The following SPAG16 variants were observed in gnomAD, a reference collection of about 807,000 sequenced individuals.
SPAG16 encodes the protein sperm-associated antigen 16 protein.
A neutral mutation model predicts 80.4 loss-of-function variants in SPAG16; 86 were observed. That is an observed-to-expected ratio of 1.07 (90% CI 0.90 to 1.28). The LOEUF (loss-of-function observed/expected upper bound fraction) is 1.28, where lower values mean the gene tolerates loss of function less well. Among genes scored for constraint, SPAG16 ranks in the 50% most tolerant of loss-of-function variants. The pLI is 0.00. For synonymous variants in SPAG16, 294 were observed against 265.9 expected (o/e 1.11, Z -1.03); for missense variants, 870 against 765.3 (o/e 1.14, Z -1.61).
chr2:214,076,761 T>G (rs182099073), intron 13 of SPAG16, among the ~76,000 whole-genome samples: 104 of 152,264 alleles, frequency 6.8e-4, no homozygotes, highest in African/African-American at 2.4e-3. Flanking sequence ...GTTCATAGTT[T>G]GCTTTTGGTT....
At position 214,347,408 on chromosome 2, in the gene SPAG16, C is replaced by A. The variant is rs193076311; in HGVS notation, c.1721-62732C>A. 1.3e-5 allele frequency among the ~76,000 whole-genome samples: 2 copies of A among 151,746 alleles called. 1 individual carries two copies. The highest frequency in any genetic ancestry group is 1.3e-4 in the Admixed American group (2 of 15,232). On this transcript the variant is annotated intron_variant, in intron 15 of 15. Coordinates refer to ENST00000331683, the MANE Select transcript of SPAG16 (RefSeq NM_024532.5). ...AGGCTCAAGGTAGTCTTATATCCCACAAAATATCCATAAAATAAAATATAG... is the reference window on the plus strand; with the variant it reads ...AGGCTCAAGGTAGTCTTATATCCCAAAAAATATCCATAAAATAAAATATAG...
At chr2:214,168,865 T>C (rs1009933767) in intron 15 of SPAG16, among the ~76,000 whole-genome samples, 1 of 148,872 alleles carries the variant, frequency 6.7e-6, no homozygotes, top group Non-Finnish European at 1.5e-5. Flanking sequence ...TGTGGTACTA[T>C]TTTACTTAAT....
chr2:213,437,448 G>T (rs1321717573), intron 9 of SPAG16, among the ~76,000 whole-genome samples: 1 of 152,074 alleles, frequency 6.6e-6, no homozygotes, highest in Non-Finnish European at 1.5e-5. Context: ...CCTTTATGTT[G>T]TTACTACTAA....
intron 12 of SPAG16, among the ~76,000 whole-genome samples, chr2:213,951,019 G>GTTTT (rs200070959): frequency 6.8e-6 from 1 of 145,994 alleles, no homozygotes; most frequent in Non-Finnish European, 1.5e-5. Flanking sequence ...GCCTGACATA[G>GTTTT]TTTTTTTTTT....
intron 14 of SPAG16, among the ~76,000 whole-genome samples, chr2:214,141,424 G>C (rs1240120315): frequency 6.6e-6 from 1 of 150,678 alleles, no homozygotes; most frequent in Non-Finnish European, 1.5e-5. Flanking sequence ...CCCAGATCAG[G>C]CCACTGCACT....
chr2:213,393,668 G>C (rs1467035241), intron 9 of SPAG16, among the ~76,000 whole-genome samples: 1 of 151,798 alleles, frequency 6.6e-6, no homozygotes, highest in Admixed American at 6.6e-5. Flanking sequence ...TGGGGATGAG[G>C]GTTTTATGAA....
At chr2:213,743,411 T>G (rs1366647376) in intron 10 of SPAG16, among the ~76,000 whole-genome samples, 1 of 152,210 alleles carries the variant, frequency 6.6e-6, no homozygotes, top group African/African-American at 2.4e-5. Context: ...GAGATCAACT[T>G]CCTTCTGTCC....
At chr2:214,402,450 T>G (rs575837713) in intron 15 of SPAG16, among the ~76,000 whole-genome samples, 25 of 152,134 alleles carry the variant, frequency 1.6e-4, no homozygotes, top group African/African-American at 5.1e-4. Context: ...TTAAATTAAG[T>G]TGAGATCTTT....
chr2:213,893,447 A>AT (rs1330074696), intron 11 of SPAG16, among the ~76,000 whole-genome samples: 1 of 152,168 alleles, frequency 6.6e-6, no homozygotes, highest in Non-Finnish European at 1.5e-5. Context: ...GTGGTGTGCA[A>AT]TTCACTCATA....
At chr2:213,936,031 C>T (rs114264817) in intron 12 of SPAG16, among the ~76,000 whole-genome samples, 21,635 of 151,992 alleles carry the variant, frequency 0.14, 1,935 homozygotes, top group Non-Finnish European at 0.2. Context: ...GGATAGCAGG[C>T]ATTGGAAAGG....
Position 213,364,240 on chromosome 2 carries a change from G to A in SPAG16, c.832+95G>A, listed in dbSNP as rs556273074. ...ATATTCTAGAGATATTTAAAGGTGA[G>A]TAAGTGGTGGCTATTTCACAAATTA... On this transcript the variant is annotated intron_variant, in intron 8 of 15. Transcript: ENST00000331683. The A allele has an allele frequency of 1.1e-5, 6 of 557,126 alleles. No homozygotes were observed. In the South Asian group the frequency reaches 1.6e-4, roughly 15 times the overall value. 34.5% of individuals were successfully genotyped at this position (557,126 alleles called of 1,614,324 possible).
intron 10 of SPAG16, among the ~76,000 whole-genome samples, chr2:213,591,088 T>C (rs1450604953): frequency 6.6e-6 from 1 of 152,182 alleles, no homozygotes; most frequent in Non-Finnish European, 1.5e-5. Context: ...GTGGAAACCA[T>C]TGGGTACACA....
intron 12 of SPAG16, among the ~76,000 whole-genome samples, chr2:213,971,895 C>G (rs1335264661): frequency 6.7e-6 from 1 of 150,322 alleles, no homozygotes; most frequent in Non-Finnish European, 1.5e-5. Context: ...TTTTTTAGTA[C>G]AGTCATCCTG....
Position 213,702,579 on chromosome 2 carries a change from G to A in SPAG16, c.1071-159906G>A, listed in dbSNP as rs79364370. 2.6e-3 allele frequency among the ~76,000 whole-genome samples: 401 copies of A among 152,020 alleles called. 2 individuals are homozygous for A. Among genetic ancestry groups the A allele is most frequent in the African/African-American group, 7.1e-3 (296 of 41,446 alleles). On this transcript the variant is annotated intron_variant, in intron 10 of 15. Transcript: ENST00000331683. ...GCGAGACCAAGAACCCACCAGTTCC[G>A]GACACAATAATATTTCATCTTTGTA...
intron 12 of SPAG16, among the ~76,000 whole-genome samples, chr2:213,948,534 G>T (rs950309276): frequency 6.6e-6 from 1 of 152,142 alleles, no homozygotes; most frequent in South Asian, 2.1e-4. Context: ...TGCTTTGCTG[G>T]TGGTTTAGGA....
intron 10 of SPAG16, among the ~76,000 whole-genome samples, chr2:213,584,313 G>A (rs1366364262): frequency 6.6e-6 from 1 of 152,122 alleles, no homozygotes; most frequent in African/African-American, 2.4e-5. Context: ...GGGAAATGCA[G>A]TTGGGTTACT....
chr2:213,794,177 G>C (rs1170365198), intron 10 of SPAG16, among the ~76,000 whole-genome samples: 3 of 152,090 alleles, frequency 2.0e-5, no homozygotes, highest in Admixed American at 1.3e-4. Flanking sequence ...TAATATCGGA[G>C]AGTAGTTCTC....
chr2:214,020,842 T>C (rs919141195), intron 13 of SPAG16, among the ~76,000 whole-genome samples: 1 of 152,220 alleles, frequency 6.6e-6, no homozygotes, highest in Non-Finnish European at 1.5e-5. Context: ...ATTCTTTTTC[T>C]ACATGTCTTA....
At chr2:214,131,528 A>G (rs1186256211) in intron 14 of SPAG16, among the ~76,000 whole-genome samples, 1 of 152,170 alleles carries the variant, frequency 6.6e-6, no homozygotes, top group East Asian at 1.9e-4. Context: ...AGCTTTATTC[A>G]TAACTGTGAA....
Sources: allele counts gnomAD v4.1 joint callset (sites outside exome capture counted in the v4.1 genomes callset), GRCh38; gene constraint gnomAD v4.1.1; transcripts MANE v1.5; gene names NCBI Gene and HGNC (gene_info 2026-07-23, HGNC 2026-07-21).